MALRD1: variants seen among roughly 807,000 people sequenced by gnomAD.
MALRD1 encodes MAM and LDL-receptor class A domain-containing protein 1.
Under a neutral mutation model 242.1 loss-of-function variants are expected in MALRD1, and 247 were observed. The ratio of observed to expected loss-of-function variants is 1.02; its 90% CI spans 0.92 to 1.13. The LOEUF (loss-of-function observed/expected upper bound fraction) is 1.13, where lower values mean the gene tolerates loss of function less well. Ranked by LOEUF, MALRD1 falls within the 50% of genes most tolerant of loss-of-function variation. MALRD1 has a pLI of 0.00. For missense variants in MALRD1, 2,989 were observed against 2,533.1 expected (o/e 1.18, Z -3.86); for synonymous variants, 995 against 866.6 (o/e 1.15, Z -2.60).
chr10:19,498,837 T>C (rs1181175109), intron 31 of MALRD1, among the ~76,000 whole-genome samples, 191 bp downstream of exon 31: 1 of 152,186 alleles, frequency 6.6e-6, no homozygotes, highest in African/African-American at 2.4e-5. Flanking sequence ...CTGACACTGC[T>C]ACAACAAAGC....
chr10:19,157,469 G>C (rs1292662537), intron 12 of MALRD1, among the ~76,000 whole-genome samples: 1 of 151,846 alleles, frequency 6.6e-6, no homozygotes, highest in Non-Finnish European at 1.5e-5. Flanking sequence ...GGATGGTCTC[G>C]ATCTCCTGAC....
At chr10:19,680,991 C>T (rs1842346931) in intron 36 of MALRD1, among the ~76,000 whole-genome samples, 1 of 152,120 alleles carries the variant, frequency 6.6e-6, no homozygotes, top group Non-Finnish European at 1.5e-5. Context: ...TTTTGGCTTG[C>T]AGGGTTTCTG....
chr10:19,335,182 GTTTTTTTTTGT>G (rs1262481564), intron 24 of MALRD1, among the ~76,000 whole-genome samples: 2,980 of 92,108 alleles, frequency 0.032, 50 homozygotes, highest in African/African-American at 0.063. Flanking sequence ...CTCTTGTTCT[GTTTTTTTTTGT>G]TTTTTTTTTT....
At chr10:19,155,024 T>C (rs1489317103) in intron 11 of MALRD1, 51 bp from the exon 12 acceptor site, 5 of 1,014,306 alleles carry the variant, frequency 4.9e-6, no homozygotes, top group South Asian at 9.9e-5. Flanking sequence ...AAAGAACAGC[T>C]AAGTGTGTAA....
chr10:19,633,303 G>A (rs948706276), intron 36 of MALRD1, among the ~76,000 whole-genome samples: 14 of 152,202 alleles, frequency 9.2e-5, no homozygotes, highest in Admixed American at 2.6e-4. Flanking sequence ...TGAGTTTCAC[G>A]CCCCCTCATT....
rs1026704197 is a variant in MALRD1 at position 19,066,787 on chromosome 10, C to A, written c.268C>A (p.Pro90Thr). The A allele has an allele frequency of 7.3e-6, 9 of 1,233,442 alleles. No individual in the cohort carries two copies. In the Admixed American group the frequency reaches 2.5e-4, roughly 35 times the overall value. The allele number at this position is 1,233,442 out of a possible 1,614,324, so 76.4% of individuals were successfully genotyped here. The change falls in exon 2 of 40, where the codon CCT becomes ACT. Residue 90 changes from proline to threonine, a missense_variant. By Grantham distance (38) the Pro-to-Thr change is conservative. Coordinates refer to ENST00000454679, the MANE Select transcript of MALRD1 (RefSeq NM_001142308.3). Reference sequence around the variant, plus strand: ...TATGACTCAAGATCAGAGTCTGCAACCTAGTTGGACAAAGAGAAGTGGGAT... The same window carrying A: ...TATGACTCAAGATCAGAGTCTGCAAACTAGTTGGACAAAGAGAAGTGGGAT... ...CHMTQDQSLQ[P>T]SWTKRSGMIG...
intron 35 of MALRD1, among the ~76,000 whole-genome samples, chr10:19,612,746 G>A (rs1838958234): frequency 6.6e-6 from 1 of 151,790 alleles, no homozygotes; most frequent in African/African-American, 2.4e-5. Context: ...TTGGCCGGCA[G>A]GAGAGAGAGA....
At chr10:19,239,977 T>A (rs986801396) in intron 18 of MALRD1, among the ~76,000 whole-genome samples, 2 of 152,066 alleles carry the variant, frequency 1.3e-5, no homozygotes, top group Non-Finnish European at 2.9e-5. Flanking sequence ...CTTTGGTTAT[T>A]TGGGGCCTTT....
At chr10:19,640,003 C>T (rs1036121785) in intron 36 of MALRD1, among the ~76,000 whole-genome samples, 4 of 152,130 alleles carry the variant, frequency 2.6e-5, no homozygotes, top group Non-Finnish European at 5.9e-5. Flanking sequence ...TTTCTTTCCC[C>T]CCAATGCATA....
At chr10:19,490,966 G>A (rs547279667) in intron 29 of MALRD1, 190 of 173,732 alleles carry the variant, frequency 1.1e-3, no homozygotes, top group Non-Finnish European at 2.2e-3. Flanking sequence ...AAAATTTAGA[G>A]TATGAAACCT....
At chr10:19,398,884 A>G (rs917092300) in intron 28 of MALRD1, among the ~76,000 whole-genome samples, 55 of 152,334 alleles carry the variant, frequency 3.6e-4, no homozygotes, top group African/African-American at 1.2e-3. Context: ...GACTAAGTAT[A>G]AATAGGTTTA....
At chr10:19,679,813 A>G (rs1440138622) in intron 36 of MALRD1, among the ~76,000 whole-genome samples, 2 of 152,050 alleles carry the variant, frequency 1.3e-5, no homozygotes, top group Non-Finnish European at 2.9e-5. Context: ...CCCTCTTAAC[A>G]CTGCTTTAGC....
intron 26 of MALRD1, among the ~76,000 whole-genome samples, chr10:19,385,778 T>C (rs545330898): frequency 6.6e-6 from 1 of 152,218 alleles, no homozygotes; most frequent in Non-Finnish European, 1.5e-5. Context: ...AACTTCGGCC[T>C]TAGTTCTTTT....
chr10:19,276,820 C>G (rs77868885), intron 19 of MALRD1, among the ~76,000 whole-genome samples: 1 of 151,542 alleles, frequency 6.6e-6, no homozygotes, highest in African/African-American at 2.4e-5. Context: ...GTTAGGATCT[C>G]CTTTTTTTTT....
At chr10:19,590,640 T>G (rs1399072057) in intron 33 of MALRD1, among the ~76,000 whole-genome samples, 1 of 152,126 alleles carries the variant, frequency 6.6e-6, no homozygotes, top group Non-Finnish European at 1.5e-5. Flanking sequence ...CAATAAATAG[T>G]TAGATATCTC....
intron 28 of MALRD1, among the ~76,000 whole-genome samples, chr10:19,419,140 T>C (rs1370736362): frequency 6.6e-6 from 1 of 152,216 alleles, no homozygotes; most frequent in East Asian, 1.9e-4. Flanking sequence ...ACGTGATCTA[T>C]ATACCCTTGT....
chr10:19,574,327 A>G (rs1389243601), intron 33 of MALRD1, among the ~76,000 whole-genome samples: 1 of 152,204 alleles, frequency 6.6e-6, no homozygotes, highest in African/African-American at 2.4e-5. Flanking sequence ...GTAAGCATTC[A>G]ATAAGTATGT....
intron 29 of MALRD1, among the ~76,000 whole-genome samples, chr10:19,489,922 T>C (rs571166180): frequency 6.6e-6 from 1 of 152,316 alleles, no homozygotes; most frequent in Non-Finnish European, 1.5e-5. Context: ...ATAACTTTGT[T>C]ACTGTGCTGT....
chr10:19,234,064 A>G (rs1838196701), intron 18 of MALRD1, among the ~76,000 whole-genome samples: 2 of 152,224 alleles, frequency 1.3e-5, no homozygotes, highest in Non-Finnish European at 2.9e-5. Flanking sequence ...ATAATAAAAT[A>G]GAAATAGTAT....
Sources: allele counts gnomAD v4.1 joint callset (sites outside exome capture counted in the v4.1 genomes callset), GRCh38; gene constraint gnomAD v4.1.1; transcripts MANE v1.5; gene names NCBI Gene and HGNC (gene_info 2026-07-23, HGNC 2026-07-21).